GNL3L: variants seen among roughly 807,000 people sequenced by gnomAD.
GNL3L encodes the protein G protein nucleolar 3 like.
Under a neutral mutation model 42.9 loss-of-function variants are expected in GNL3L, and 4 were observed. That is an observed-to-expected ratio of 0.09 (90% CI 0.05 to 0.21). The LOEUF (loss-of-function observed/expected upper bound fraction) is 0.21, where lower values mean the gene tolerates loss of function less well. Among genes scored for constraint, GNL3L ranks in the 10% least tolerant of loss-of-function variants. GNL3L has a pLI of 1.00. For missense variants in GNL3L, 412 were observed against 481.7 expected (o/e 0.86, Z 1.36); for synonymous variants, 159 against 176.3 (o/e 0.90, Z 0.78).
chrX:54,601,906 G>T (rs901909145), intron 16 of GNL3L, among the ~76,000 whole-genome samples: 106 of 112,005 alleles, frequency 9.5e-4, no homozygotes, highest in African/African-American at 3.3e-3. Flanking sequence ...GTTGGTTTGT[G>T]TATCAATAAT....
intron 2 of GNL3L, among the ~76,000 whole-genome samples, chrX:54,534,338 T>C (rs1281435937): frequency 9.0e-6 from 1 of 111,350 alleles, no homozygotes; most frequent in African/African-American, 3.3e-5. Flanking sequence ...GCATTGTCCT[T>C]GGGAGAGCCA....
chrX:54,607,078 CTTTCTTCTTTCTTTCTTTCTT>C (rs2039402862), intron 16 of GNL3L, among the ~76,000 whole-genome samples: 2 of 27,319 alleles, frequency 7.3e-5, no homozygotes, highest in Non-Finnish European at 1.2e-4. Context: ...CTTTCTCTTT[CTTTCTTCTTTCTTTCTTTCTT>C]TCTTTCTTTC....
chrX:54,606,798 G>A (rs765420907), intron 16 of GNL3L, among the ~76,000 whole-genome samples: 63 of 109,477 alleles, frequency 5.8e-4, no homozygotes, highest in Middle Eastern at 4.6e-3. Context: ...ATGCCACCAC[G>A]CCTGGCTAAT....
chrX:54,605,294 A>C (rs1171748567), intron 16 of GNL3L, among the ~76,000 whole-genome samples: 1 of 111,515 alleles, frequency 9.0e-6, no homozygotes, highest in African/African-American at 3.3e-5. Flanking sequence ...TCATGTTTGA[A>C]CTCTTCTAAA....
At chrX:54,531,017 C>T (rs1375694660) in intron 1 of GNL3L, among the ~76,000 whole-genome samples, 2 of 111,920 alleles carry the variant, frequency 1.8e-5, no homozygotes, top group Non-Finnish European at 3.8e-5. Context: ...GCCCCCTCCT[C>T]TTAGGTTAGA....
chrX:54,593,048 A>G (rs1925889482), intron 16 of GNL3L, among the ~76,000 whole-genome samples: 1 of 111,217 alleles, frequency 9.0e-6, no homozygotes, highest in Non-Finnish European at 1.9e-5. Context: ...TTTTGCATCA[A>G]TATTAATCAG....
chrX:54,615,356 A>G (rs752635344), intron 16 of GNL3L, among the ~76,000 whole-genome samples: 3 of 111,727 alleles, frequency 2.7e-5, no homozygotes, highest in Non-Finnish European at 3.8e-5. Flanking sequence ...CCTTTTAGCT[A>G]TTGTGAATAG....
chrX:54,590,838 A>G (rs1925862314), intron 16 of GNL3L, among the ~76,000 whole-genome samples: 2 of 110,079 alleles, frequency 1.8e-5, no homozygotes, highest in Admixed American at 9.8e-5. Flanking sequence ...TCATTCATTC[A>G]TTCAGTCAGT....
chrX:54,613,707 C>T (rs1016292118), intron 16 of GNL3L, among the ~76,000 whole-genome samples: 25 of 110,956 alleles, frequency 2.3e-4, no homozygotes, highest in Non-Finnish European at 4.2e-4. Flanking sequence ...GCGAGTCTAC[C>T]TGGCTCCCGG....
intron 5 of GNL3L, among the ~76,000 whole-genome samples, chrX:54,542,342 G>C (rs1420175761): frequency 9.4e-6 from 1 of 106,550 alleles, no homozygotes; most frequent in Non-Finnish European, 1.9e-5. Context: ...TGAGAACATG[G>C]GGTGTTTGGT....
chrX:54,624,052 C>T (rs1484855129), downstream of GNL3L, among the ~76,000 whole-genome samples: 3 of 111,161 alleles, frequency 2.7e-5, no homozygotes, highest in Non-Finnish European at 1.9e-5. Flanking sequence ...CTCTGAGTAG[C>T]CGGGATCACA....
chrX:54,547,341 T>C (rs1280815971), intron 8 of GNL3L, among the ~76,000 whole-genome samples: 1 of 111,718 alleles, frequency 9.0e-6, no homozygotes, highest in Non-Finnish European at 1.9e-5. Flanking sequence ...TATTCCACTT[T>C]AAGGCTACAG....
intron 14 of GNL3L, among the ~76,000 whole-genome samples, chrX:54,556,173 A>G (rs1925089185): frequency 1.8e-5 from 2 of 110,916 alleles, no homozygotes; most frequent in African/African-American, 6.6e-5. Flanking sequence ...GCTGCCTGAG[A>G]CTGGGTAATT....
At chrX:54,603,774 C>A (rs967007923) in intron 16 of GNL3L, among the ~76,000 whole-genome samples, 2 of 111,081 alleles carry the variant, frequency 1.8e-5, no homozygotes, top group Non-Finnish European at 3.8e-5. Flanking sequence ...TGAATGTACT[C>A]TCTGGGTGAA....
intron 16 of GNL3L, among the ~76,000 whole-genome samples, chrX:54,577,943 A>G (rs1416441979): frequency 9.0e-6 from 1 of 110,514 alleles, no homozygotes; most frequent in East Asian, 2.8e-4. Context: ...GGGTTTTGCC[A>G]TGTTGCCCAG....
In GNL3L at chrX:54,563,919, A is replaced by G. The variant is rs1182490467; in HGVS notation, c.*3317A>G. 8.9e-6 allele frequency among the ~76,000 whole-genome samples: 1 copy of G among 111,881 alleles called. No individual in the cohort carries two copies. The highest frequency in any genetic ancestry group is 1.9e-5 in the Non-Finnish European group (1 of 53,227). On this transcript the variant is annotated 3_prime_UTR_variant, in exon 16 of 16. Transcript: ENST00000360845. ...TCATTTTTCAAAACAATTAGGGTAC[A>G]ATTTACATATAGTAAAGTTCACTCT...
intron 16 of GNL3L, among the ~76,000 whole-genome samples, chrX:54,618,728 C>T (rs1324970905): frequency 1.8e-5 from 2 of 110,675 alleles, no homozygotes; most frequent in African/African-American, 6.6e-5. Context: ...GACACCATCT[C>T]TGCAAAAAAA....
chrX:54,575,076 A>G (rs1230609232), intron 16 of GNL3L, among the ~76,000 whole-genome samples: 7 of 111,412 alleles, frequency 6.3e-5, no homozygotes, highest in African/African-American at 2.3e-4. Flanking sequence ...TTTTGGTTTC[A>G]TTGACTTTCT....
At position 54,562,174 on chromosome X, in the gene GNL3L, T is replaced by G. The variant is rs1925289588; in HGVS notation, c.*1572T>G. Among the ~76,000 whole-genome samples the G allele has an allele frequency of 8.9e-6, 1 of 111,967 alleles. No homozygotes were observed. Among genetic ancestry groups the G allele is most frequent in the Non-Finnish European group, 1.9e-5 (1 of 53,146 alleles). On this transcript the variant is annotated 3_prime_UTR_variant, in exon 16 of 16. Coordinates refer to ENST00000360845, the MANE Select transcript of GNL3L (RefSeq NM_001184819.2). ...GATCCTCCTGCCTTAGCCTCCCAAG[T>G]AGCTGGGATTACAGGCACCTGCCAC...
Sources: gnomAD v4.1 joint callset for allele counts (sites outside exome capture counted in the v4.1 genomes callset) on GRCh38, gnomAD v4.1.1 for gene constraint, MANE v1.5 for transcripts, NCBI Gene and HGNC (gene_info 2026-07-23, HGNC 2026-07-21) for gene names.